Variants in PTPRN2 observed in about 807,000 individuals in gnomAD.
The protein encoded by PTPRN2 is protein tyrosine phosphatase receptor type N2.
A neutral mutation model predicts 118.8 loss-of-function variants in PTPRN2; 74 were observed. The ratio of observed to expected loss-of-function variants is 0.62; its 90% CI spans 0.52 to 0.76. The LOEUF is 0.76. Ranked by LOEUF, PTPRN2 falls within the 30% of genes least tolerant of loss-of-function variation. The pLI is 0.00. For missense variants in PTPRN2, 1,481 were observed against 1,394.4 expected (o/e 1.06, Z -0.99); for synonymous variants, 641 against 608.0 (o/e 1.05, Z -0.80).
chr7:157,896,994 C>G (rs1002441533), intron 12 of PTPRN2, among the ~76,000 whole-genome samples: 1 of 152,060 alleles, frequency 6.6e-6, no homozygotes, highest in African/African-American at 2.4e-5. Context: ...GGACCCACCT[C>G]CCCACCCACC....
rs190890090 is a variant in PTPRN2 at position 157,798,056 on chromosome 7, C to T, written c.1788+100617G>A. Among the ~76,000 whole-genome samples the T allele has an allele frequency of 3.5e-3, 535 of 152,182 alleles. 2 individuals carry two copies. The highest frequency in any genetic ancestry group is 0.012 in the African/African-American group (506 of 41,526). On this transcript the variant is annotated intron_variant, in intron 12 of 22. Coordinates refer to ENST00000389418, the MANE Select transcript of PTPRN2 (RefSeq NM_002847.5). ...GGTGGATCACCTGAGGTCAGGAGTT[C>T]GAGACCAGTCTGTCCAATATGGTGA...
chr7:157,637,712 C>T (rs941850556), intron 14 of PTPRN2, among the ~76,000 whole-genome samples: 3 of 152,158 alleles, frequency 2.0e-5, no homozygotes, highest in African/African-American at 4.8e-5. Context: ...CCACTGATGA[C>T]GACAGTGGTT....
chr7:158,281,050 T>C (rs1209963511), intron 3 of PTPRN2, among the ~76,000 whole-genome samples: 1 of 152,228 alleles, frequency 6.6e-6, no homozygotes, highest in Non-Finnish European at 1.5e-5. Context: ...ACGCCTCTAA[T>C]CCCACCACTT....
chr7:157,909,579 G>T (rs1797968959), intron 11 of PTPRN2, among the ~76,000 whole-genome samples: 1 of 152,228 alleles, frequency 6.6e-6, no homozygotes. Flanking sequence ...CTTCAGCGCG[G>T]GACGCCCCGG....
At chr7:158,409,323 G>A (rs1813839496) in intron 2 of PTPRN2, among the ~76,000 whole-genome samples, 1 of 152,218 alleles carries the variant, frequency 6.6e-6, no homozygotes, top group African/African-American at 2.4e-5. Context: ...GATGTGTGCA[G>A]GAGCAGGCAG....
intron 3 of PTPRN2, among the ~76,000 whole-genome samples, chr7:158,241,612 A>C (rs1250730919): frequency 6.6e-6 from 1 of 152,226 alleles, no homozygotes; most frequent in African/African-American, 2.4e-5. Context: ...CATCACACCC[A>C]AATTCAGCTC....
At chr7:157,992,039 C>T (rs1804294000) in intron 11 of PTPRN2, among the ~76,000 whole-genome samples, 1 of 152,250 alleles carries the variant, frequency 6.6e-6, no homozygotes, top group South Asian at 2.1e-4. Flanking sequence ...CGCCTGAGTG[C>T]CGGGACTCGG....
At chr7:157,557,393 A>G (rs1798955952) in intron 21 of PTPRN2, among the ~76,000 whole-genome samples, 1 of 152,032 alleles carries the variant, frequency 6.6e-6, no homozygotes, top group Admixed American at 6.6e-5. Flanking sequence ...ATACACATGC[A>G]TACACACAGA....
At chr7:157,574,846 G>A (rs1799941830) in intron 19 of PTPRN2, among the ~76,000 whole-genome samples, 1 of 152,222 alleles carries the variant, frequency 6.6e-6, no homozygotes, top group African/African-American at 2.4e-5. Flanking sequence ...GAATGTGTTC[G>A]CTCAAACCCA....
intron 12 of PTPRN2, among the ~76,000 whole-genome samples, chr7:157,832,126 C>G (rs181899605): frequency 7.2e-5 from 11 of 152,272 alleles, no homozygotes; most frequent in African/African-American, 2.4e-4. Flanking sequence ...GAGGTGGCAC[C>G]AAGGCTGTGG....
chr7:158,333,578 C>A (rs1804942557), intron 2 of PTPRN2, among the ~76,000 whole-genome samples: 1 of 151,098 alleles, frequency 6.6e-6, no homozygotes, highest in African/African-American at 2.5e-5. Flanking sequence ...AGAGCTGATG[C>A]CGGCACACGT....
At chr7:158,128,621 C>G (rs1257676503) in intron 9 of PTPRN2, among the ~76,000 whole-genome samples, 3 of 152,200 alleles carry the variant, frequency 2.0e-5, no homozygotes, top group Non-Finnish European at 4.4e-5. Context: ...GACAGGGGCC[C>G]TCCTGTCCTT....
intron 2 of PTPRN2, among the ~76,000 whole-genome samples, chr7:158,448,755 G>A (rs1031310170): frequency 6.6e-6 from 1 of 152,194 alleles, no homozygotes; most frequent in Non-Finnish European, 1.5e-5. Flanking sequence ...TCCAGCCTAA[G>A]ACGGGTTCAA....
chr7:157,612,834 C>G (rs532449450), intron 15 of PTPRN2, among the ~76,000 whole-genome samples: 64 of 152,340 alleles, frequency 4.2e-4, no homozygotes, highest in African/African-American at 1.4e-3. Context: ...AGGGCATCCA[C>G]AGAGGCGCTG....
intron 12 of PTPRN2, among the ~76,000 whole-genome samples, chr7:157,891,290 C>T (rs879382820): frequency 6.6e-6 from 1 of 152,140 alleles, no homozygotes; most frequent in African/African-American, 2.4e-5. Context: ...CCTCTTTGCA[C>T]AGACAGGAAA....
At chr7:158,390,087 C>T (rs774988751) in intron 2 of PTPRN2, among the ~76,000 whole-genome samples, 1 of 152,208 alleles carries the variant, frequency 6.6e-6, no homozygotes, top group Admixed American at 6.5e-5. Context: ...TTATTCAAAC[C>T]GATCTTCTTT....
At chr7:158,494,912 A>G (rs1323526767) in intron 1 of PTPRN2, among the ~76,000 whole-genome samples, 1 of 152,022 alleles carries the variant, frequency 6.6e-6, no homozygotes, top group Non-Finnish European at 1.5e-5. Flanking sequence ...AGTAATCTAT[A>G]CCCAGCCTTT....
At chr7:158,081,256 A>G (rs754469248) in intron 11 of PTPRN2, 42 bp downstream of exon 11, 5 of 1,538,848 alleles carry the variant, frequency 3.2e-6, no homozygotes, top group Non-Finnish European at 4.5e-6. Flanking sequence ...GTGTGTGCAC[A>G]CACGTGTGTG....
chr7:157,746,779 T>A (rs1356347921), intron 12 of PTPRN2, among the ~76,000 whole-genome samples: 1 of 152,196 alleles, frequency 6.6e-6, no homozygotes, highest in Non-Finnish European at 1.5e-5. Context: ...CTGCCTGGTC[T>A]GCTGAGCAGT....
Sources: allele counts gnomAD v4.1 joint callset (sites outside exome capture counted in the v4.1 genomes callset), GRCh38; gene constraint gnomAD v4.1.1; transcripts MANE v1.5; gene names NCBI Gene and HGNC (gene_info 2026-07-23, HGNC 2026-07-21).